TNFAIP8: variants seen among roughly 807,000 people sequenced by gnomAD.
TNFAIP8 encodes tumor necrosis factor alpha-induced protein 8.
A neutral mutation model predicts 13.3 loss-of-function variants in TNFAIP8; 7 were observed. That is an observed-to-expected ratio of 0.52 (90% confidence interval 0.30 to 0.99). TNFAIP8 has a LOEUF of 0.99. Ranked by LOEUF, TNFAIP8 falls within the 50% of genes least tolerant of loss-of-function variation. The pLI is 0.07. For synonymous variants in TNFAIP8, 94 were observed against 87.6 expected (o/e 1.07, Z -0.41); for missense variants, 258 against 236.9 (o/e 1.09, Z -0.58).
chr5:119,389,854 G>A (rs1752828518), intron 1 of TNFAIP8, among the ~76,000 whole-genome samples: 1 of 152,176 alleles, frequency 6.6e-6, no homozygotes, highest in Non-Finnish European at 1.5e-5. Flanking sequence ...AAGCCTCAGA[G>A]ATCAACTTCT....
chr5:119,300,341 T>A (rs1749346917), intron 1 of TNFAIP8, among the ~76,000 whole-genome samples: 1 of 152,242 alleles, frequency 6.6e-6, no homozygotes, highest in Non-Finnish European at 1.5e-5. Context: ...GTTCAGCGTA[T>A]TCTCTTTAAG....
In TNFAIP8 at chr5:119,398,778, C is replaced by CA. The variant is rs1406335336; in HGVS notation, c.*5398dup. The CA allele has an allele frequency of 2.0e-5, 3 of 152,066 alleles. No homozygotes were observed. The highest frequency in any genetic ancestry group is 6.5e-5 in the Admixed American group (1 of 15,270). 9.4% of individuals were successfully genotyped at this position (152,066 alleles called of 1,614,324 possible). On this transcript the variant is annotated 3_prime_UTR_variant, in exon 2 of 2. Transcript: ENST00000504771. ...AACACAAGACGCGGAAATAAAAACT[C>CA]AGAGTATAAATATCTATATTGTTAC...
At chr5:119,332,131 C>T (rs1750401183) in intron 1 of TNFAIP8, among the ~76,000 whole-genome samples, 1 of 152,110 alleles carries the variant, frequency 6.6e-6, no homozygotes, top group African/African-American at 2.4e-5. Flanking sequence ...ATAAGAAATA[C>T]AGAGATATGT....
At chr5:119,383,281 T>C (rs568954228) in intron 1 of TNFAIP8, among the ~76,000 whole-genome samples, 19 of 152,372 alleles carry the variant, frequency 1.2e-4, no homozygotes, top group Non-Finnish European at 1.2e-4. Context: ...GGGTGACCAC[T>C]TACATTCTGG....
intron 1 of TNFAIP8, among the ~76,000 whole-genome samples, chr5:119,361,333 T>A (rs1365857991): frequency 6.6e-6 from 1 of 152,174 alleles, no homozygotes; most frequent in African/African-American, 2.4e-5. Flanking sequence ...ATGTAGTATG[T>A]CCTGAGTGAC....
Position 119,394,611 on chromosome 5 carries a change from A to ATTTTTTTTTTTTTTCTTTTTTTTTTTTT in TNFAIP8, c.*1244_*1245insCTTTTTTTTTTTTTTTTTTTTTTTTTTT, listed in dbSNP as rs1753027304. The ATTTTTTTTTTTTTTCTTTTTTTTTTTTT allele has an allele frequency of 8.7e-6, 1 of 114,710 alleles. No individual in the cohort carries two copies. The highest frequency in any genetic ancestry group is 1.7e-5 in the Non-Finnish European group (1 of 58,916). The allele number at this position is 114,710 out of a possible 1,614,324, so 7.1% of individuals were successfully genotyped here. ...CATTTCCATTGTCACTGTGTCTATGATTTTTTTTTTTTTTTTTTTGAGTCT... is the reference window on the plus strand; with the variant it reads ...CATTTCCATTGTCACTGTGTCTATGATTTTTTTTTTTTTTCTTTTTTTTTTTTTTTTTTTTTTTTTTTTTTTTGAGTCT... On this transcript the variant is annotated 3_prime_UTR_variant, in exon 2 of 2. Coordinates refer to ENST00000504771, the MANE Select transcript of TNFAIP8 (RefSeq NM_014350.4).
intron 1 of TNFAIP8, among the ~76,000 whole-genome samples, chr5:119,368,465 G>GTGTGTGTGTGTGTGTT (rs1477114334): frequency 6.7e-6 from 1 of 149,844 alleles, no homozygotes. Flanking sequence ...GTGTGCGTGT[G>GTGTGTGTGTGTGTGTT]TGTGTTTGTG....
chr5:119,269,626 C>T (rs909329686), intron 1 of TNFAIP8, among the ~76,000 whole-genome samples: 1 of 152,204 alleles, frequency 6.6e-6, no homozygotes, highest in African/African-American at 2.4e-5. Context: ...TTCAGTGACA[C>T]TGTATTTCTA....
chr5:119,359,913 T>A (rs1454351766), intron 1 of TNFAIP8, among the ~76,000 whole-genome samples: 1 of 152,242 alleles, frequency 6.6e-6, no homozygotes, highest in Middle Eastern at 3.2e-3. Flanking sequence ...TGTTTCCTTT[T>A]ATGTAGTCAT....
At chr5:119,375,238 C>T (rs1474651707) in intron 1 of TNFAIP8, among the ~76,000 whole-genome samples, 1 of 152,154 alleles carries the variant, frequency 6.6e-6, no homozygotes, top group Non-Finnish European at 1.5e-5. Flanking sequence ...ATGTTGTGAT[C>T]CCTACGTTAA....
intron 1 of TNFAIP8, among the ~76,000 whole-genome samples, chr5:119,332,684 C>A (rs965264013): frequency 1.3e-5 from 2 of 152,138 alleles, no homozygotes; most frequent in Non-Finnish European, 1.5e-5. Flanking sequence ...ATAGGGATCA[C>A]CAAAGAAAAG....
In TNFAIP8 at chr5:119,321,315, T is replaced by G. The variant is rs560021895; in HGVS notation, c.1+52408T>G. ...TTTGTTTTGTTTTGGTTTGAATTGGTTTTTTTTGTTCATATTTTGTTACTG... is the reference window on the plus strand; with the variant it reads ...TTTGTTTTGTTTTGGTTTGAATTGGGTTTTTTTGTTCATATTTTGTTACTG... On this transcript the variant is annotated intron_variant, in intron 1 of 1. Coordinates refer to the TNFAIP8 transcript ENST00000274456. Among the ~76,000 whole-genome samples, 61 of 152,182 alleles carry G rather than the reference T, an allele frequency of 4.0e-4. 1 individual carries two copies. In the South Asian group the frequency reaches 9.3e-3, roughly 23 times the overall value.
chr5:119,395,951 G>A lies in TNFAIP8; in HGVS notation c.*2570G>A, dbSNP rs759637936. ...TGGCTTCTCTGCAAAAATTATGAGT[G>A]GATATGATAAGTGGATGATAATACT... is the stretch of plus-strand genomic sequence containing the variant. On this transcript the variant is annotated 3_prime_UTR_variant, in exon 2 of 2. Transcript: ENST00000504771. 1 of 152,208 alleles carries A rather than the reference G, an allele frequency of 6.6e-6. No homozygotes were observed. The highest frequency in any genetic ancestry group is 3.4e-3 in the Middle Eastern group (1 of 294). The allele number at this position is 152,208 out of a possible 1,614,324, so 9.4% of individuals were successfully genotyped here.
At chr5:119,280,190 C>T (rs766351652) in intron 1 of TNFAIP8, among the ~76,000 whole-genome samples, 3 of 152,148 alleles carry the variant, frequency 2.0e-5, no homozygotes, top group Non-Finnish European at 4.4e-5. Flanking sequence ...CAAAATTTTA[C>T]ATCCCATCCT....
At chr5:119,353,211 C>T (rs908667401), upstream of TNFAIP8, among the ~76,000 whole-genome samples, 2 of 152,210 alleles carry the variant, frequency 1.3e-5, no homozygotes, top group African/African-American at 4.8e-5. Flanking sequence ...ACAAGTCCCA[C>T]CTACAGGAGA....
upstream of TNFAIP8, among the ~76,000 whole-genome samples, chr5:119,351,149 A>C (rs1205865426): frequency 6.6e-6 from 1 of 151,514 alleles, no homozygotes; most frequent in Admixed American, 6.6e-5. Flanking sequence ...CAGTCTCCCA[A>C]GTGGCTAGGA....
intron 1 of TNFAIP8, among the ~76,000 whole-genome samples, chr5:119,365,336 G>T (rs1474778837): frequency 1.3e-5 from 2 of 152,030 alleles, no homozygotes; most frequent in African/African-American, 4.8e-5. Context: ...CTAGGATTTG[G>T]GCCACACTAG....
chr5:119,397,565 T>C lies in TNFAIP8; in HGVS notation c.*4184T>C, dbSNP rs762504045. 2 of 152,228 alleles carry C rather than the reference T, an allele frequency of 1.3e-5. No homozygotes were observed. Among genetic ancestry groups the C allele is most frequent in the Non-Finnish European group, 2.9e-5 (2 of 68,034 alleles). The allele number at this position is 152,228 out of a possible 1,614,324, so 9.4% of individuals were successfully genotyped here. Reference sequence around the variant, plus strand: ...TTGTTAAACTCATAGCAGGTTTTAGTACACAGTGCTGTTTATGACAGAAAA... The same window carrying C: ...TTGTTAAACTCATAGCAGGTTTTAGCACACAGTGCTGTTTATGACAGAAAA... On this transcript the variant is annotated 3_prime_UTR_variant, in exon 2 of 2. Transcript: ENST00000504771.
At chr5:119,334,156 G>GAAAAAAAAAAAA (rs1562005111) in intron 1 of TNFAIP8, among the ~76,000 whole-genome samples, 1 of 147,266 alleles carries the variant, frequency 6.8e-6, no homozygotes, top group African/African-American at 2.5e-5. Context: ...AAAAAAAAAC[G>GAAAAAAAAAAAA]GTTTACCTTA....
Sources: gnomAD v4.1 joint callset for allele counts (sites outside exome capture counted in the v4.1 genomes callset) on GRCh38, gnomAD v4.1.1 for gene constraint, MANE v1.5 for transcripts, NCBI Gene and HGNC (gene_info 2026-07-23, HGNC 2026-07-21) for gene names.